COL4A2: variants seen among roughly 807,000 people sequenced by gnomAD.
The protein encoded by COL4A2 is collagen type IV alpha 2 chain.
A neutral mutation model predicts 200.2 loss-of-function variants in COL4A2; 99 were observed. The ratio of observed to expected loss-of-function variants is 0.49; its 90% CI spans 0.42 to 0.58. The LOEUF is 0.58. Ranked by LOEUF, COL4A2 falls within the 20% of genes least tolerant of loss-of-function variation. The probability of loss-of-function intolerance (pLI) is 0.00; values close to 1 mark genes in which losing one functional copy is unlikely to be tolerated. For missense variants in COL4A2, 1,950 were observed against 2,314.1 expected (o/e 0.84, Z 3.23); for synonymous variants, 897 against 900.6 (o/e 1.00, Z 0.07).
intron 24 of COL4A2, among the ~76,000 whole-genome samples, chr13:110,464,603 C>T (rs1244905322): frequency 2.0e-5 from 3 of 152,248 alleles, no homozygotes; most frequent in East Asian, 1.9e-4. Flanking sequence ...GTCCCTGCCC[C>T]GCTCCGTCAT....
chr13:110,411,344 A>G (rs1364083130), intron 4 of COL4A2, among the ~76,000 whole-genome samples: 1 of 152,228 alleles, frequency 6.6e-6, no homozygotes, highest in South Asian at 2.1e-4. Flanking sequence ...TTCAACAACG[A>G]ATCTGTTCAG....
At chr13:110,336,519 C>T (rs746785047) in intron 3 of COL4A2, among the ~76,000 whole-genome samples, 3 of 152,168 alleles carry the variant, frequency 2.0e-5, no homozygotes, top group East Asian at 1.9e-4. Context: ...CTGATCCTTA[C>T]GACGACCTGG....
intron 37 of COL4A2, among the ~76,000 whole-genome samples, chr13:110,491,541 T>C (rs1416956035): frequency 6.6e-6 from 1 of 152,184 alleles, no homozygotes; most frequent in Non-Finnish European, 1.5e-5. Context: ...GACCTGAGAA[T>C]TGGAGAGAAG....
At chr13:110,499,015 G>A (rs923643943) in intron 40 of COL4A2, among the ~76,000 whole-genome samples, 2 of 152,246 alleles carry the variant, frequency 1.3e-5, no homozygotes, top group Non-Finnish European at 2.9e-5. Flanking sequence ...ACACTGCCCA[G>A]TGCCATTGGG....
At chr13:110,449,561 C>T in intron 18 of COL4A2, 118 bp from the exon 19 acceptor site, 1 of 930,822 alleles carries the variant, frequency 1.1e-6, no homozygotes, top group Non-Finnish European at 1.6e-6. Context: ...AACTCCTCAT[C>T]AGGCCGCATA....
chr13:110,480,642 C>T (rs1214752245), intron 31 of COL4A2, among the ~76,000 whole-genome samples: 1 of 152,214 alleles, frequency 6.6e-6, no homozygotes, highest in Non-Finnish European at 1.5e-5. Context: ...ACAAACTGCT[C>T]CTGCCTGGGA....
intron 4 of COL4A2, among the ~76,000 whole-genome samples, chr13:110,364,646 A>G (rs919065435): frequency 1.5e-4 from 23 of 152,198 alleles, no homozygotes; most frequent in Admixed American, 1.1e-3. Context: ...TATAAGCCCA[A>G]TAGGTCACCC....
chr13:110,479,607 C>T (rs1310460770), intron 30 of COL4A2, among the ~76,000 whole-genome samples: 1 of 152,120 alleles, frequency 6.6e-6, no homozygotes, highest in Non-Finnish European at 1.5e-5. Flanking sequence ...GTTGGAGCCC[C>T]GAGGCAGAGG....
chr13:110,486,667 G>A (rs1018418938), intron 34 of COL4A2, among the ~76,000 whole-genome samples: 7 of 152,142 alleles, frequency 4.6e-5, no homozygotes, highest in South Asian at 4.1e-4. Context: ...ATTTCACCTG[G>A]GTGCAGGCAG....
chr13:110,452,405 G>C (rs35131825), intron 20 of COL4A2, among the ~76,000 whole-genome samples: 1 of 152,048 alleles, frequency 6.6e-6, no homozygotes, highest in Non-Finnish European at 1.5e-5. Context: ...CTCATGATCC[G>C]CCCGCCTCGG....
intron 4 of COL4A2, among the ~76,000 whole-genome samples, chr13:110,407,267 G>A (rs747996942): frequency 6.6e-6 from 1 of 152,214 alleles, no homozygotes; most frequent in East Asian, 1.9e-4. Context: ...AGAAGCTCCC[G>A]CCTGGGACAC....
intron 16 of COL4A2, among the ~76,000 whole-genome samples, chr13:110,445,515 A>C (rs1881288988): frequency 6.6e-6 from 1 of 152,190 alleles, no homozygotes; most frequent in South Asian, 2.1e-4. Context: ...AGCACAGATG[A>C]CCCAGTGTCT....
Position 110,454,604 on chromosome 13 carries a change from G to A in COL4A2, c.1340-2739G>A, listed in dbSNP as rs568700432. Among the ~76,000 whole-genome samples, 287 of 152,196 alleles carry A rather than the reference G, an allele frequency of 1.9e-3. 1 individual carries two copies. The highest frequency in any genetic ancestry group is 6.5e-3 in the African/African-American group (268 of 41,516). ...GTCACCCTTTGTCCCCAGCAGTGCG[G>A]GGTGCGGCCGCCTCTCCTCCTGAGA... On this transcript the variant is annotated intron_variant, in intron 20 of 47. Transcript: ENST00000360467.
At chr13:110,368,432 C>T (rs1877846242) in intron 4 of COL4A2, among the ~76,000 whole-genome samples, 1 of 152,226 alleles carries the variant, frequency 6.6e-6, no homozygotes, top group Non-Finnish European at 1.5e-5. Context: ...AAGCAATAAG[C>T]TTCATTTCAC....
At chr13:110,509,337 A>G (rs912193072) in intron 47 of COL4A2, among the ~76,000 whole-genome samples, 1 of 150,284 alleles carries the variant, frequency 6.7e-6, no homozygotes, top group African/African-American at 2.4e-5. Flanking sequence ...TAATCTTTCA[A>G]AACAACAGGA....
At chr13:110,449,920 A>C in intron 19 of COL4A2, 131 bp downstream of exon 19, 1 of 989,120 alleles carries the variant, frequency 1.0e-6, no homozygotes, top group South Asian at 1.5e-5. Context: ...TAGTCTTAGC[A>C]GCTCTAAGGA....
chr13:110,366,428 C>A (rs1346727437), intron 4 of COL4A2, among the ~76,000 whole-genome samples: 1 of 152,144 alleles, frequency 6.6e-6, no homozygotes, highest in African/African-American at 2.4e-5. Context: ...AATGTTCCTG[C>A]CTGTGAGCGG....
chr13:110,309,901 G>T (rs1884925059), intron 3 of COL4A2, among the ~76,000 whole-genome samples: 1 of 152,216 alleles, frequency 6.6e-6, no homozygotes, highest in Admixed American at 6.5e-5. Context: ...TGAGGCACAA[G>T]AATTGCTTGA....
intron 4 of COL4A2, among the ~76,000 whole-genome samples, chr13:110,408,288 T>G (rs1395459410): frequency 6.6e-6 from 1 of 152,162 alleles, no homozygotes; most frequent in Non-Finnish European, 1.5e-5. Flanking sequence ...TGCAGGCCCT[T>G]GAAGAAGAGT....
Sources: allele counts gnomAD v4.1 joint callset (sites outside exome capture counted in the v4.1 genomes callset), GRCh38; gene constraint gnomAD v4.1.1; transcripts MANE v1.5; gene names NCBI Gene and HGNC (gene_info 2026-07-23, HGNC 2026-07-21).